The following ADGRE3 variants were observed in gnomAD, a reference collection of about 807,000 sequenced individuals.
The protein encoded by ADGRE3 is adhesion G protein-coupled receptor E3.
In ADGRE3, 88 loss-of-function variants were observed where a neutral mutation model predicts 80.1. The ratio of observed to expected loss-of-function variants is 1.10; its 90% CI spans 0.93 to 1.31. The LOEUF is 1.31. ADGRE3 is among the 40% of genes most tolerant of loss of function. The pLI is 0.00. For synonymous variants in ADGRE3, 281 were observed against 294.8 expected, an observed-to-expected ratio of 0.95 and a Z score of 0.48; for missense variants, 715 against 776.5, an observed-to-expected ratio of 0.92 and a Z score of 0.94.
chr19:14,641,605 G>C lies in ADGRE3; in HGVS notation c.1062C>G (p.Pro354=). 1.2e-6 allele frequency: 2 copies of C among 1,614,058 alleles called. No individual in the cohort carries two copies. The highest frequency in any genetic ancestry group is 1.7e-6 in the Non-Finnish European group (2 of 1,180,000). The change falls in exon 10 of 16, where the codon CCC becomes CCG. Residue 354 remains proline (P), a synonymous_variant. Coordinates refer to ENST00000253673, the MANE Select transcript of ADGRE3 (RefSeq NM_032571.5). ...LMALTSQEED[P]VLTVITYVGL... ...CCACGTAGGTGATGACAGTCAGCACGGGATCCTCCTCCTGGGACCGAGAAA... is the reference window on the plus strand; with the variant it reads ...CCACGTAGGTGATGACAGTCAGCACCGGATCCTCCTCCTGGGACCGAGAAA...
rs112042295 is a variant in ADGRE3, at chr19:14,651,335, G to A, written c.578-131C>T. The A allele has an allele frequency of 1.8e-4, 185 of 1,015,422 alleles. No individual in the cohort carries two copies. The African/African-American group carries it at 2.5e-3, about 14-fold the overall frequency. 62.9% of individuals were successfully genotyped at this position (1,015,422 alleles called of 1,614,324 possible). ...GAGGCTGAGGCAGAAGGATTGCTTGGGCCCAGGAATTTGAGCCCAGGCAAC... is the reference window on the plus strand; with the variant it reads ...GAGGCTGAGGCAGAAGGATTGCTTGAGCCCAGGAATTTGAGCCCAGGCAAC... On this transcript the variant is annotated intron_variant, in intron 6 of 15. Transcript: ENST00000253673.
intron 7 of ADGRE3, among the ~76,000 whole-genome samples, chr19:14,650,496 C>G (rs1971563170): frequency 6.6e-6 from 1 of 151,732 alleles, no homozygotes; most frequent in African/African-American, 2.4e-5. Flanking sequence ...CTCCCCATCT[C>G]TCTCTTCCCA....
chr19:14,600,626 G>A, the ADGRE3 span, among the ~76,000 whole-genome samples: 1 of 151,144 alleles, frequency 6.6e-6, no homozygotes, highest in Admixed American at 6.6e-5. Context: ...CTTTCACCCA[G>A]GCTGGAGTGC....
intron 4 of ADGRE3, among the ~76,000 whole-genome samples, chr19:14,659,032 T>G (rs1343359823): frequency 1.4e-5 from 2 of 141,472 alleles, no homozygotes; most frequent in Non-Finnish European, 3.1e-5. Flanking sequence ...CGCACCTGGC[T>G]TTTTTTTTCC....
intron 9 of ADGRE3, among the ~76,000 whole-genome samples, chr19:14,643,343 AC>A (rs1971305718): frequency 6.6e-6 from 1 of 151,358 alleles, no homozygotes; most frequent in Non-Finnish European, 1.5e-5. Context: ...ATGGGGTTTC[AC>A]CATGTTGGTC....
chr19:14,617,303 CT>C (rs2075080576), downstream of ADGRE3, among the ~76,000 whole-genome samples: 4 of 143,992 alleles, frequency 2.8e-5, no homozygotes, highest in Admixed American at 1.4e-4. Flanking sequence ...CTCTCTCTTC[CT>C]CTCTCTCTTC....
the ADGRE3 span, chr19:14,600,167 T>G: frequency 6.2e-7 from 1 of 1,614,032 alleles, no homozygotes; most frequent in South Asian, 1.1e-5. Flanking sequence ...TCATCATCAA[T>G]AGCTTTGCTG....
At chr19:14,644,961 A>G (rs949620215) in intron 8 of ADGRE3, among the ~76,000 whole-genome samples, 2 of 152,144 alleles carry the variant, frequency 1.3e-5, no homozygotes, top group African/African-American at 4.8e-5. Flanking sequence ...CCTGGCCTCA[A>G]GCAATCCTCC....
At chr19:14,636,546 CT>C (rs1971096935) in intron 11 of ADGRE3, among the ~76,000 whole-genome samples, 1 of 151,960 alleles carries the variant, frequency 6.6e-6, no homozygotes, top group Non-Finnish European at 1.5e-5. Context: ...TCTTGATGGT[CT>C]TTTGAACAAC....
At chr19:14,660,660 C>T (rs986522139) in intron 4 of ADGRE3, among the ~76,000 whole-genome samples, 5 of 152,014 alleles carry the variant, frequency 3.3e-5, no homozygotes, top group Middle Eastern at 3.4e-3. Flanking sequence ...ATTATCCCTA[C>T]GGTAGTCAAT....
At chr19:14,671,899 C>A (rs372986278) in intron 1 of ADGRE3, among the ~76,000 whole-genome samples, 3 of 151,992 alleles carry the variant, frequency 2.0e-5, no homozygotes, top group Admixed American at 1.3e-4. Context: ...GCATGAGATA[C>A]CACTTGTGGC....
At chr19:14,660,148 T>C (rs1469905823) in intron 4 of ADGRE3, among the ~76,000 whole-genome samples, 2 of 152,124 alleles carry the variant, frequency 1.3e-5, no homozygotes, top group Non-Finnish European at 2.9e-5. Context: ...GCCTTGGTAA[T>C]AACGAACCCC....
chr19:14,617,344 T>TCTCTCTCTTTCTC (rs774654059), downstream of ADGRE3, among the ~76,000 whole-genome samples: 3 of 49,332 alleles, frequency 6.1e-5, no homozygotes, highest in Non-Finnish European at 1.2e-4. Flanking sequence ...CTCCCTCCCT[T>TCTCTCTCTTTCTC]TCTTTCTTTC....
the ADGRE3 span, chr19:14,607,199 G>T: frequency 2.2e-6 from 1 of 452,460 alleles, no homozygotes; most frequent in Non-Finnish European, 3.5e-6. Context: ...GAAGGAGTCA[G>T]GAGCTGTTTC....
chr19:14,618,630 G>A (rs2146782933), downstream of ADGRE3, among the ~76,000 whole-genome samples: 1 of 151,712 alleles, frequency 6.6e-6, no homozygotes, highest in South Asian at 2.1e-4. Flanking sequence ...GCCAAGTCAG[G>A]TGGATCACCT....
At chr19:14,612,960 C>G in the ADGRE3 span, among the ~76,000 whole-genome samples, 1 of 151,230 alleles carries the variant, frequency 6.6e-6, no homozygotes, top group African/African-American at 2.4e-5. Flanking sequence ...GAGTCTTGCT[C>G]TGTTGCCCAG....
chr19:14,659,965 C>CT (rs746404117), intron 4 of ADGRE3, among the ~76,000 whole-genome samples: 8 of 151,518 alleles, frequency 5.3e-5, no homozygotes, highest in Non-Finnish European at 8.8e-5. Flanking sequence ...GCACAAACAG[C>CT]TTTGTTTTAA....
At chr19:14,603,561 G>T in the ADGRE3 span, among the ~76,000 whole-genome samples, 4,316 of 152,038 alleles carry the variant, frequency 0.028, 199 homozygotes, top group African/African-American at 0.096. Flanking sequence ...CCAGGTTCAG[G>T]CAATCCTCCT....
downstream of ADGRE3, among the ~76,000 whole-genome samples, chr19:14,616,792 ATT>A (rs34403316): frequency 0.31 from 39,211 of 127,628 alleles, 5,887 homozygotes; most frequent in South Asian, 0.46. Context: ...TTTTTCTAGA[ATT>A]TTTTTTTTTT....
Sources: gnomAD v4.1 joint callset for allele counts (sites outside exome capture counted in the v4.1 genomes callset) on GRCh38, gnomAD v4.1.1 for gene constraint, MANE v1.5 for transcripts, NCBI Gene and HGNC (gene_info 2026-07-23, HGNC 2026-07-21) for gene names.